The following ANO10 variants were observed in gnomAD, a reference collection of about 807,000 sequenced individuals.
The protein encoded by ANO10 is anoctamin-10.
Under a neutral mutation model 74.7 loss-of-function variants are expected in ANO10, and 77 were observed. The observed-to-expected ratio is 1.03, with a 90% CI of 0.86 to 1.25. The LOEUF is 1.25. Ranked by LOEUF, ANO10 falls within the 50% of genes most tolerant of loss-of-function variation. ANO10 has a pLI of 0.00. For missense variants in ANO10, 721 were observed against 778.1 expected, an observed-to-expected ratio of 0.93 and a Z score of 0.87; for synonymous variants, 279 against 284.9, an observed-to-expected ratio of 0.98 and a Z score of 0.21.
intron 12 of ANO10, among the ~76,000 whole-genome samples, chr3:43,402,320 T>C (rs1031727970): frequency 6.6e-6 from 1 of 152,236 alleles, no homozygotes; most frequent in Non-Finnish European, 1.5e-5. Context: ...ACAGCCCCTC[T>C]GGGTCTCATC....
chr3:43,493,157 T>C (rs1191512615), intron 11 of ANO10, among the ~76,000 whole-genome samples: 1 of 152,202 alleles, frequency 6.6e-6, no homozygotes, highest in Non-Finnish European at 1.5e-5. Flanking sequence ...GCCATCGTTC[T>C]CAGTAAACTA....
intron 11 of ANO10, among the ~76,000 whole-genome samples, chr3:43,538,198 C>T (rs1030248554): frequency 6.6e-6 from 1 of 152,090 alleles, no homozygotes; most frequent in African/African-American, 2.4e-5. Context: ...ACGTAGCATA[C>T]TAACACAGCA....
At chr3:43,387,317 T>C (rs1255303740) in intron 12 of ANO10, among the ~76,000 whole-genome samples, 2 of 152,244 alleles carry the variant, frequency 1.3e-5, no homozygotes, top group African/African-American at 4.8e-5. Context: ...AGTGCGTGAC[T>C]GCACTTGGTG....
intron 11 of ANO10, among the ~76,000 whole-genome samples, chr3:43,482,000 C>G (rs1430793762): frequency 2.0e-5 from 3 of 147,784 alleles, no homozygotes; most frequent in Non-Finnish European, 3.0e-5. Context: ...GTGATCTCAG[C>G]TCACTGCAAC....
At chr3:43,421,895 C>A (rs542260361) in intron 12 of ANO10, among the ~76,000 whole-genome samples, 80 of 152,228 alleles carry the variant, frequency 5.3e-4, no homozygotes, top group Admixed American at 9.8e-4. Context: ...TCTCTACCTC[C>A]CTCTTCATAA....
At chr3:43,605,939 C>T in intron 1 of ANO10, 76 bp from the exon 2 acceptor site, 1 of 1,519,162 alleles carries the variant, frequency 6.6e-7, no homozygotes, top group Non-Finnish European at 9.0e-7. Context: ...ACTTCATTTT[C>T]TCCCAATTAT....
chr3:43,502,390 C>T (rs1448812433), intron 11 of ANO10, among the ~76,000 whole-genome samples: 1 of 152,160 alleles, frequency 6.6e-6, no homozygotes, highest in Non-Finnish European at 1.5e-5. Context: ...AGTGACTTCT[C>T]GCTCTATTAG....
chr3:43,483,357 G>A (rs965767404), intron 11 of ANO10, among the ~76,000 whole-genome samples: 4 of 152,036 alleles, frequency 2.6e-5, no homozygotes, highest in Non-Finnish European at 5.9e-5. Context: ...TGTGTTTTTT[G>A]TTCTTTCCAT....
intron 11 of ANO10, among the ~76,000 whole-genome samples, chr3:43,467,462 A>G (rs1325914477): frequency 6.6e-6 from 1 of 152,266 alleles, no homozygotes; most frequent in Non-Finnish European, 1.5e-5. Context: ...TCTCAAAAGC[A>G]TTATGCTAAA....
intron 11 of ANO10, among the ~76,000 whole-genome samples, chr3:43,481,927 C>CTTTTTTTTTTTTTTTTTTTTT (rs1161910647): frequency 8.1e-6 from 1 of 123,882 alleles, no homozygotes; most frequent in Non-Finnish European, 1.7e-5. Flanking sequence ...CTTTTTTTTT[C>CTTTTTTTTTTTTTTTTTTTTT]TTTTTTTTTT....
At chr3:43,517,232 C>T (rs560203728) in intron 11 of ANO10, among the ~76,000 whole-genome samples, 9 of 152,244 alleles carry the variant, frequency 5.9e-5, no homozygotes, top group African/African-American at 2.2e-4. Flanking sequence ...AATATTCAAA[C>T]ATTTGTAACC....
At chr3:43,677,092 G>A (rs144050032) in intron 1 of ANO10, among the ~76,000 whole-genome samples, 211 of 152,280 alleles carry the variant, frequency 1.4e-3, no homozygotes, top group African/African-American at 4.9e-3. Flanking sequence ...GAACCCAGCT[G>A]CCCATCAACA....
intron 1 of ANO10, among the ~76,000 whole-genome samples, chr3:43,612,140 T>TTTTA (rs1487366739): frequency 2.2e-4 from 14 of 64,560 alleles, no homozygotes; most frequent in Admixed American, 4.0e-4. Context: ...ATTAAATATT[T>TTTTA]TATATATATA....
intron 4 of ANO10, among the ~76,000 whole-genome samples, chr3:43,586,330 A>G (rs961473198): frequency 2.6e-5 from 4 of 152,100 alleles, no homozygotes; most frequent in African/African-American, 9.7e-5. Flanking sequence ...ACAGGCCTAA[A>G]TGCCAAACAC....
intron 11 of ANO10, among the ~76,000 whole-genome samples, chr3:43,478,131 G>T (rs888122895): frequency 1.3e-5 from 2 of 152,204 alleles, no homozygotes; most frequent in Non-Finnish European, 1.5e-5. Flanking sequence ...CTGAGGATCA[G>T]AGAGGTTACG....
intron 9 of ANO10, among the ~76,000 whole-genome samples, chr3:43,557,102 G>C (rs910726604): frequency 6.6e-6 from 1 of 151,480 alleles, no homozygotes; most frequent in African/African-American, 2.4e-5. Flanking sequence ...AAAGGAAAAG[G>C]AAAGTTTCAA....
intron 11 of ANO10, among the ~76,000 whole-genome samples, chr3:43,481,965 G>A (rs2076289240): frequency 8.8e-6 from 1 of 114,170 alleles, no homozygotes; most frequent in Non-Finnish European, 1.7e-5. Context: ...TCTTGCTCTT[G>A]TCACCCAGGC....
At chr3:43,504,865 C>A (rs555746834) in intron 11 of ANO10, among the ~76,000 whole-genome samples, 51 of 152,278 alleles carry the variant, frequency 3.3e-4, no homozygotes, top group African/African-American at 1.2e-3. Context: ...TGGTCTTGAA[C>A]TCCTGACCTC....
At chr3:43,576,444 T>C (rs757837254) in intron 6 of ANO10, among the ~76,000 whole-genome samples, 1 of 152,176 alleles carries the variant, frequency 6.6e-6, no homozygotes, top group African/African-American at 2.4e-5. Flanking sequence ...GATGGTGAGA[T>C]ACTGTGAATA....
Sources: allele counts gnomAD v4.1 joint callset (sites outside exome capture counted in the v4.1 genomes callset), GRCh38; gene constraint gnomAD v4.1.1; transcripts MANE v1.5; gene names NCBI Gene and HGNC (gene_info 2026-07-23, HGNC 2026-07-21).